The following NRAS variants were observed in gnomAD, a reference collection of about 807,000 sequenced individuals.
NRAS encodes the protein NRAS proto-oncogene, GTPase, also known as GTPase NRas.
In NRAS, 6 loss-of-function variants were observed where a neutral mutation model predicts 21.3. That is an observed-to-expected ratio of 0.28 (90% CI 0.15 to 0.56). NRAS has a LOEUF of 0.56. Ranked by LOEUF, NRAS falls within the 20% of genes least tolerant of loss-of-function variation. The pLI, the probability that NRAS is intolerant of heterozygous loss-of-function variation, is 0.93. For synonymous variants in NRAS, 84 were observed against 82.0 expected, an observed-to-expected ratio of 1.02 and a Z score of -0.13; for missense variants, 143 against 231.3, an observed-to-expected ratio of 0.62 and a Z score of 2.48.
rs1372157940 is a variant in NRAS at position 114,706,517 on chromosome 1, G to A, written c.*1577C>T. 3 of 152,058 alleles carry A rather than the reference G, an allele frequency of 2.0e-5. No individual in the cohort carries two copies. The highest frequency in any genetic ancestry group is 4.4e-5 in the Non-Finnish European group (3 of 68,018). The allele number at this position is 152,058 out of a possible 1,614,324, so 9.4% of individuals were successfully genotyped here. A position where few individuals can be genotyped will look rare whatever the true frequency, so the allele number is the denominator to read the frequency against. ...AACATCTTGTTTTAAACCCTTCAAA[G>A]AACATTATGAATAAAGAGAATTTAA... is the stretch of plus-strand genomic sequence containing the variant. On this transcript the variant is annotated 3_prime_UTR_variant, in exon 7 of 7. Coordinates refer to ENST00000369535, the MANE Select transcript of NRAS (RefSeq NM_002524.5).
At chr1:114,709,532 G>A (rs1190362682) in intron 4 of NRAS, 37 bp downstream of exon 4, 4 of 1,557,110 alleles carry the variant, frequency 2.6e-6, no homozygotes, top group African/African-American at 1.4e-5. Flanking sequence ...ATCAACTGAT[G>A]CAAACTCTTG....
Position 114,713,982 on chromosome 1 carries a change from G to A in NRAS, c.112-4C>T, listed in dbSNP as rs1318559042. 2 of 1,586,274 alleles carry A rather than the reference G, an allele frequency of 1.3e-6. No individual in the cohort carries two copies. Among genetic ancestry groups the A allele is most frequent in the Non-Finnish European group, 1.7e-6 (2 of 1,157,682 alleles). On this transcript the variant is annotated splice_polypyrimidine_tract_variant and splice_region_variant and intron_variant, in intron 2 of 6. Coordinates refer to ENST00000369535, the MANE Select transcript of NRAS (RefSeq NM_002524.5). ...CCACTTGTTTTCTGTAAGAATCCTGGGGGTGTGGAGGGTAAGGGGGCAGGG... is the reference window on the plus strand; with the variant it reads ...CCACTTGTTTTCTGTAAGAATCCTGAGGGTGTGGAGGGTAAGGGGGCAGGG...
rs1468230201 is a variant in NRAS, at chr1:114,704,689, TAA to T, written c.*3403_*3404del. The T allele has an allele frequency of 1.3e-5, 2 of 152,170 alleles. No homozygotes were observed. Among genetic ancestry groups the T allele is most frequent in the Non-Finnish European group, 2.9e-5 (2 of 68,006 alleles). The allele number at this position is 152,170 out of a possible 1,614,324, so 9.4% of individuals were successfully genotyped here. A position where few individuals can be genotyped will look rare whatever the true frequency, so the allele number is the denominator to read the frequency against. On this transcript the variant is annotated 3_prime_UTR_variant, in exon 7 of 7. Coordinates refer to ENST00000369535, the MANE Select transcript of NRAS (RefSeq NM_002524.5). ...ACCTATATTTGATGGCACAAAAAAA[TAA>T]AAGTCTTACAACTTCCACGGACATC...
chr1:114,715,988 G>A, intron 2 of NRAS, 62 bp downstream of exon 2: 1 of 1,006,692 alleles, frequency 9.9e-7, no homozygotes, highest in Non-Finnish European at 1.6e-6. Context: ...ACAGAATATG[G>A]GTAAAGATGA....
intron 3 of NRAS, among the ~76,000 whole-genome samples, chr1:114,711,782 C>G (rs1421457090): frequency 3.3e-5 from 5 of 152,100 alleles, no homozygotes; most frequent in Non-Finnish European, 7.4e-5. Flanking sequence ...CACAGCACAC[C>G]TGGGAAACAA....
In NRAS at chr1:114,709,732, A is replaced by G; in HGVS notation, c.291-4T>C. ...TTTTACTCGCTTAATCTGCTCCCTA[A>G]AAACGGGAATATATTATCAGAACAT... On this transcript the variant is annotated splice_region_variant and splice_polypyrimidine_tract_variant and intron_variant, in intron 3 of 6. Coordinates refer to ENST00000369535, the MANE Select transcript of NRAS (RefSeq NM_002524.5). The G allele has an allele frequency of 6.2e-7, 1 of 1,610,792 alleles. No homozygotes were observed. The highest frequency in any genetic ancestry group is 8.5e-7 in the Non-Finnish European group (1 of 1,176,990).
intron 3 of NRAS, among the ~76,000 whole-genome samples, chr1:114,711,505 GC>G (rs1281916437): frequency 6.6e-6 from 1 of 151,574 alleles, no homozygotes; most frequent in Non-Finnish European, 1.5e-5. Flanking sequence ...GGAAGCTGAG[GC>G]AGGAGAATCT....
intron 2 of NRAS, among the ~76,000 whole-genome samples, chr1:114,714,580 A>T (rs1659114831): frequency 6.6e-6 from 1 of 152,200 alleles, no homozygotes; most frequent in Non-Finnish European, 1.5e-5. Context: ...TAGATCATAT[A>T]AAAAATACTT....
intron 3 of NRAS, among the ~76,000 whole-genome samples, chr1:114,710,976 C>A (rs1422076799): frequency 6.6e-6 from 1 of 152,166 alleles, no homozygotes; most frequent in Non-Finnish European, 1.5e-5. Context: ...TATCACTTTT[C>A]AAGATGGGTG....
Position 114,708,567 on chromosome 1 carries a change from C to T in NRAS, c.538G>A (p.Gly180Ser), listed in dbSNP as rs779271866. Residue 180 changes from glycine to serine, a missense_variant, in exon 5 of 7, where the codon GGT becomes AGT. Physicochemically the swap from Gly to Ser is moderately conservative, Grantham distance 56. Coordinates refer to ENST00000369535, the MANE Select transcript of NRAS (RefSeq NM_002524.5). ...ACCACACATGGCAATCCCATACAAC[C>T]CTGAGTCCCATCATCACTGCTGTTG... Reference protein sequence around the residue: ...KLNSSDDGTQGCMGLPCVVM With the variant: ...KLNSSDDGTQSCMGLPCVVM The T allele has an allele frequency of 4.3e-6, 7 of 1,613,676 alleles. No homozygotes were observed. Among genetic ancestry groups the T allele is most frequent in the Non-Finnish European group, 5.9e-6 (7 of 1,179,572 alleles).
rs558645553 is a variant in NRAS at position 114,709,784 on chromosome 1, A to G, written c.291-56T>C. ...AGAAAAACAAGATTAGGCTGGGTACAGTGGCTCATGCCTGCAATCTCAGCA... is the reference window on the plus strand; with the variant it reads ...AGAAAAACAAGATTAGGCTGGGTACGGTGGCTCATGCCTGCAATCTCAGCA... On this transcript the variant is annotated intron_variant, in intron 3 of 6. Coordinates refer to ENST00000369535, the MANE Select transcript of NRAS (RefSeq NM_002524.5). 9.0e-6 allele frequency: 13 copies of G among 1,439,846 alleles called. No individual in the cohort carries two copies. The South Asian group carries it at 1.5e-4, about 17-fold the overall frequency. The allele number at this position is 1,439,846 out of a possible 1,614,324, so 89.2% of individuals were successfully genotyped here. A position where few individuals can be genotyped will look rare whatever the true frequency, so the allele number is the denominator to read the frequency against.
chr1:114,706,570 T>C lies in NRAS; in HGVS notation c.*1524A>G, dbSNP rs2101736638. ...CGTTTCTCAGCTGAGACATCCTCAT[T>C]CTCAAATGAGAATATTGGCTTAATT... On this transcript the variant is annotated 3_prime_UTR_variant, in exon 7 of 7. Transcript: ENST00000369535. 1 of 152,294 alleles carries C rather than the reference T, an allele frequency of 6.6e-6. No individual in the cohort carries two copies. The highest frequency in any genetic ancestry group is 2.1e-4 in the South Asian group (1 of 4,832). 9.4% of individuals were successfully genotyped at this position (152,294 alleles called of 1,614,324 possible). A position where few individuals can be genotyped will look rare whatever the true frequency, so the allele number is the denominator to read the frequency against.
At chr1:114,716,417 G>A (rs933454528) in intron 1 of NRAS, among the ~76,000 whole-genome samples, 1 of 152,008 alleles carries the variant, frequency 6.6e-6, no homozygotes, top group Admixed American at 6.6e-5. Flanking sequence ...CTAAGCAATG[G>A]AAATCCCCCT....
chr1:114,710,153 T>A (rs1264819540), intron 3 of NRAS, among the ~76,000 whole-genome samples: 2 of 149,972 alleles, frequency 1.3e-5, no homozygotes, highest in African/African-American at 2.5e-5. Flanking sequence ...ATCACGCCAC[T>A]ACACTCTAGC....
intron 2 of NRAS, among the ~76,000 whole-genome samples, chr1:114,714,954 A>G (rs1659122908): frequency 1.3e-5 from 2 of 152,260 alleles, no homozygotes; most frequent in African/African-American, 2.4e-5. Flanking sequence ...TAGGGAGGCC[A>G]GGTGTTGATT....
chr1:114,705,590 T>C lies in NRAS; in HGVS notation c.*2504A>G, dbSNP rs888690982. On this transcript the variant is annotated 3_prime_UTR_variant, in exon 7 of 7. Transcript: ENST00000369535. The stretch of plus-strand genomic sequence containing the variant: ...AGTTATTCAGCTTTTAACTATAAGT[T>C]TGTCACTCCTTTGTGCCAAAATTCA... 2.0e-5 allele frequency: 3 copies of C among 152,210 alleles called. No homozygotes were observed. Among genetic ancestry groups the C allele is most frequent in the Admixed American group, 6.5e-5 (1 of 15,280 alleles). 9.4% of individuals were successfully genotyped at this position (152,210 alleles called of 1,614,324 possible).
rs1658972120 is a variant in NRAS at position 114,708,664 on chromosome 1, G to GA, written c.451-11dup. The GA allele has an allele frequency of 6.2e-7, 1 of 1,606,416 alleles. No homozygotes were observed. Among genetic ancestry groups the GA allele is most frequent in the Non-Finnish European group, 8.5e-7 (1 of 1,177,106 alleles). ...AAGCATCTTCAACACCCTATAAAAGGAAAAAATGAAAAAAAATGAGAGAGC... is the reference window on the plus strand; with the variant it reads ...AAGCATCTTCAACACCCTATAAAAGGAAAAAAATGAAAAAAAATGAGAGAGC... On this transcript the variant is annotated splice_polypyrimidine_tract_variant and intron_variant, in intron 4 of 6. Coordinates refer to ENST00000369535, the MANE Select transcript of NRAS (RefSeq NM_002524.5).
intron 5 of NRAS, 94 bp from the exon 6 acceptor site, chr1:114,708,286 T>C (rs1441923154): frequency 1.9e-6 from 1 of 534,160 alleles, no homozygotes; most frequent in Admixed American, 3.3e-5. Context: ...AGGGTATGCC[T>C]ACATTTCATA....
chr1:114,713,274 C>T (rs566697766), intron 3 of NRAS, among the ~76,000 whole-genome samples: 3 of 152,230 alleles, frequency 2.0e-5, no homozygotes, highest in Admixed American at 6.5e-5. Flanking sequence ...CCTGAGCTCA[C>T]GTGATCCTCC....
Sources: gnomAD v4.1 joint callset for allele counts (sites outside exome capture counted in the v4.1 genomes callset) on GRCh38, gnomAD v4.1.1 for gene constraint, MANE v1.5 for transcripts, NCBI Gene and HGNC (gene_info 2026-07-23, HGNC 2026-07-21) for gene names.